STK4: variants seen among roughly 807,000 people sequenced by gnomAD.
The protein encoded by STK4 is serine/threonine-protein kinase 4.
A neutral mutation model predicts 64.9 loss-of-function variants in STK4; 30 were observed. The ratio of observed to expected loss-of-function variants is 0.46; its 90% CI spans 0.35 to 0.63. The LOEUF is 0.63. STK4 is among the 20% of genes least tolerant of loss of function. The probability of loss-of-function intolerance (pLI) is 0.01; values close to 1 mark genes in which losing one functional copy is unlikely to be tolerated. For missense variants in STK4, 466 were observed against 598.5 expected, an observed-to-expected ratio of 0.78 and a Z score of 2.31; for synonymous variants, 177 against 199.0, an observed-to-expected ratio of 0.89 and a Z score of 0.93.
At chr20:45,030,107 C>CTTT (rs34694436) in intron 10 of STK4, among the ~76,000 whole-genome samples, 1 of 140,438 alleles carries the variant, frequency 7.1e-6, no homozygotes, top group African/African-American at 2.6e-5. Context: ...CTCACAGTTG[C>CTTT]TTTTTTTTTT....
chr20:44,982,229 A>G (rs922383304), intron 4 of STK4, among the ~76,000 whole-genome samples: 1 of 149,560 alleles, frequency 6.7e-6, no homozygotes, highest in African/African-American at 2.5e-5. Flanking sequence ...TGATCCTCTC[A>G]CTTCAGGCTC....
chr20:44,984,347 C>T (rs1296053186), intron 4 of STK4, among the ~76,000 whole-genome samples: 3 of 151,630 alleles, frequency 2.0e-5, no homozygotes, highest in East Asian at 1.9e-4. Flanking sequence ...AGTACAGGCG[C>T]CCGCCACCAC....
At chr20:45,053,060 T>A (rs1430230357) in intron 10 of STK4, 5 of 1,514,338 alleles carry the variant, frequency 3.3e-6, no homozygotes, top group Non-Finnish European at 4.6e-6. Flanking sequence ...TGGAATATAA[T>A]GAGATTTTGT....
intron 8 of STK4, among the ~76,000 whole-genome samples, 171 bp from the exon 9 acceptor site, chr20:45,000,996 A>G (rs1487927158): frequency 6.6e-6 from 1 of 152,224 alleles, no homozygotes; most frequent in Non-Finnish European, 1.5e-5. Context: ...TCACGTGGAT[A>G]AATTTGTCTT....
At chr20:45,014,008 A>T (rs1601270825) in intron 9 of STK4, among the ~76,000 whole-genome samples, 1 of 152,018 alleles carries the variant, frequency 6.6e-6, no homozygotes, top group Non-Finnish European at 1.5e-5. Flanking sequence ...TCTTTCTTTT[A>T]TCTTAATATG....
chr20:45,061,194 TGCC>T (rs1978966404), intron 10 of STK4, among the ~76,000 whole-genome samples: 1 of 152,200 alleles, frequency 6.6e-6, no homozygotes, highest in African/African-American at 2.4e-5. Context: ...TAAAGGCTCA[TGCC>T]AGAATAGAGT....
intron 3 of STK4, 62 bp from the exon 4 acceptor site, chr20:44,981,767 A>G (rs2067443952): frequency 1.0e-6 from 1 of 968,396 alleles, no homozygotes; most frequent in East Asian, 2.4e-5. Flanking sequence ...TATACTTGCT[A>G]GCATGAATTA....
Position 44,999,392 on chromosome 20 carries a change from T to C in STK4, c.832-1000T>C, listed in dbSNP as rs568988159. On this transcript the variant is annotated intron_variant, in intron 7 of 10. Coordinates refer to ENST00000372806, the MANE Select transcript of STK4 (RefSeq NM_006282.5). The stretch of plus-strand genomic sequence containing the variant: ...ATTCTGACCACATTTTGAGGTATAC[T>C]GTCCATCTCTGGAGTTCTTACTTGG... Among the ~76,000 whole-genome samples the C allele has an allele frequency of 5.9e-5, 9 of 152,336 alleles. No individual in the cohort carries two copies. In the South Asian group the frequency reaches 1.9e-3, roughly 32 times the overall value.
At position 45,064,117 on chromosome 20, in the gene STK4, G is replaced by GC. The variant is rs533198777; in HGVS notation, c.1306-10901_1306-10900insC. On this transcript the variant is annotated intron_variant, in intron 10 of 10. Transcript: ENST00000372806. ...GCCACTGCGCCCGGCCAAGGGGGGG[G>GC]GTCCAGTTTTAATCTTCTGCATATG... Among the ~76,000 whole-genome samples the GC allele has an allele frequency of 2.2e-4, 34 of 152,150 alleles. No individual in the cohort carries two copies. In the East Asian group the frequency reaches 6.2e-3, roughly 28 times the overall value.
chr20:45,061,046 A>G (rs1978951742), intron 10 of STK4, among the ~76,000 whole-genome samples: 1 of 152,178 alleles, frequency 6.6e-6, no homozygotes, highest in Non-Finnish European at 1.5e-5. Context: ...GCTGTGGAGA[A>G]TCAAGGTCAA....
At chr20:44,974,955 C>T (rs548786163) in intron 2 of STK4, 2 of 152,276 alleles carry the variant, frequency 1.3e-5, no homozygotes, top group Non-Finnish European at 2.9e-5. Context: ...GAGTGGAGAG[C>T]ACTTGGGAAG....
At position 44,997,190 on chromosome 20, in the gene STK4, A is replaced by C. The variant is rs1254975766; in HGVS notation, c.715A>C (p.Asn239His). The change falls in exon 7 of 11, where the codon AAT (asparagine) becomes CAT (histidine). Residue 239 changes from asparagine (N) to histidine (H), a missense_variant. By Grantham distance (68) the Asn-to-His change is moderately conservative. This residue lies in a region of STK4 where 276 missense variants were observed against 308.9 expected (regional missense o/e 0.89). Coordinates refer to ENST00000372806, the MANE Select transcript of STK4 (RefSeq NM_006282.5). ...CCAGGCAATCTTCATGATTCCTACA[A>C]ATCCTCCTCCCACATTCCGAAAACC... is the stretch of plus-strand genomic sequence containing the variant. ...PMRAIFMIPT[N>H]PPPTFRKPEL... 6.2e-7 allele frequency: 1 copy of C among 1,613,856 alleles called. No homozygotes were observed. Among genetic ancestry groups the C allele is most frequent in the Non-Finnish European group, 8.5e-7 (1 of 1,179,894 alleles).
intron 10 of STK4, among the ~76,000 whole-genome samples, chr20:45,066,720 C>T (rs1254671832): frequency 1.3e-5 from 2 of 152,256 alleles, no homozygotes; most frequent in South Asian, 2.1e-4. Flanking sequence ...ATTGTTAACT[C>T]GTCGTGGTTT....
intron 10 of STK4, among the ~76,000 whole-genome samples, chr20:45,040,020 A>G (rs2068587118): frequency 6.6e-6 from 1 of 151,720 alleles, no homozygotes; most frequent in Admixed American, 6.6e-5. Flanking sequence ...TTGCTGATCT[A>G]GAAGCTTGAT....
At chr20:44,995,049 GT>G in intron 5 of STK4, 40 bp from the exon 6 acceptor site, 4 of 1,470,348 alleles carry the variant, frequency 2.7e-6, no homozygotes, top group Non-Finnish European at 3.7e-6. Context: ...CATCTCAGTA[GT>G]TTTAAGCTTA....
At chr20:45,024,943 T>C (rs1296560549) in intron 9 of STK4, 30 bp from the exon 10 acceptor site, 4 of 1,523,640 alleles carry the variant, frequency 2.6e-6, no homozygotes, top group Non-Finnish European at 3.5e-6. Context: ...AGAATGTTTC[T>C]TTTCATTTTT....
intron 4 of STK4, among the ~76,000 whole-genome samples, chr20:44,982,911 A>G (rs2067467301): frequency 6.7e-6 from 1 of 149,606 alleles, no homozygotes; most frequent in African/African-American, 2.6e-5. Flanking sequence ...AGGAAAATGA[A>G]TGAGGATGAA....
At chr20:45,037,307 CA>C (rs2068542680) in intron 10 of STK4, among the ~76,000 whole-genome samples, 2 of 152,074 alleles carry the variant, frequency 1.3e-5, no homozygotes, top group African/African-American at 4.8e-5. Context: ...TGGATGTGTG[CA>C]AAAGGGGAGG....
At position 45,062,989 on chromosome 20, in the gene STK4, C is replaced by CTTTTTTTTTTTTTTTTTT. The variant is rs71197599; in HGVS notation, c.1306-12016_1306-11999dup. Among the ~76,000 whole-genome samples the CTTTTTTTTTTTTTTTTTT allele has an allele frequency of 2.2e-4, 7 of 31,506 alleles. 2 individuals carry two copies. Among genetic ancestry groups the CTTTTTTTTTTTTTTTTTT allele is most frequent in the Non-Finnish European group, 4.1e-4 (7 of 17,134 alleles). The allele number at this position is 31,506 out of a possible 152,430, so 20.7% of individuals were successfully genotyped here. On this transcript the variant is annotated intron_variant, in intron 10 of 10. Transcript: ENST00000372806. ...ACAGGTGTGAGCCACCGCACCCGGCCTTTTTTTTTTTTTTTTTTTTTTTTT... is the reference window on the plus strand; with the variant it reads ...ACAGGTGTGAGCCACCGCACCCGGCCTTTTTTTTTTTTTTTTTTTTTTTTTTTTTTTTTTTTTTTTTTT...
Sources: gnomAD v4.1 joint callset for allele counts (sites outside exome capture counted in the v4.1 genomes callset) on GRCh38, gnomAD v4.1.1 for gene constraint, gnomAD v4.1.1 regional missense constraint, MANE v1.5 for transcripts, NCBI Gene and HGNC (gene_info 2026-07-23, HGNC 2026-07-21) for gene names.